Variants in COL10A1 observed in about 807,000 individuals in gnomAD.
COL10A1 encodes collagen type X alpha 1 chain.
Under a neutral mutation model 18.2 loss-of-function variants are expected in COL10A1, and 10 were observed. That is an observed-to-expected ratio of 0.55 (90% CI 0.34 to 0.93). COL10A1 has a LOEUF of 0.93. Ranked by LOEUF, COL10A1 falls within the 40% of genes least tolerant of loss-of-function variation. COL10A1 has a pLI of 0.02. For missense variants in COL10A1, 897 were observed against 853.5 expected, an observed-to-expected ratio of 1.05 and a Z score of -0.64; for synonymous variants, 330 against 316.6, an observed-to-expected ratio of 1.04 and a Z score of -0.45.
At chr6:116,202,274 T>C in the COL10A1 span, among the ~76,000 whole-genome samples, 12 of 152,050 alleles carry the variant, frequency 7.9e-5, no homozygotes, top group African/African-American at 2.9e-4. Flanking sequence ...CTGTAGTACC[T>C]TTTTTTCTTA....
the COL10A1 span, among the ~76,000 whole-genome samples, chr6:116,170,169 G>A: frequency 2.8e-4 from 42 of 152,212 alleles, 2 homozygotes; most frequent in South Asian, 8.3e-3. Flanking sequence ...ACATTCTGTC[G>A]GTTTTGCTGT....
chr6:116,168,610 A>G, the COL10A1 span, among the ~76,000 whole-genome samples: 28 of 150,918 alleles, frequency 1.9e-4, no homozygotes, highest in Non-Finnish European at 3.8e-4. Context: ...TCTGTCGTGT[A>G]TTTTCCCCCT....
the COL10A1 span, among the ~76,000 whole-genome samples, chr6:116,182,222 A>AGAGTGTGTGTGTGTGTGTGTGTGT: frequency 3.6e-4 from 45 of 124,684 alleles, no homozygotes; most frequent in South Asian, 1.7e-3. Flanking sequence ...TTCCATGGAG[A>AGAGTGTGTGTGTGTGTGTGTGTGT]GTGTGTGTGT....
At chr6:116,148,252 A>G (rs56238603) in intron 1 of COL10A1, among the ~76,000 whole-genome samples, 21,678 of 152,158 alleles carry the variant, frequency 0.14, 2,124 homozygotes, top group East Asian at 0.43. Context: ...TTTTCATTGT[A>G]TGCCAGCCTT....
the COL10A1 span, among the ~76,000 whole-genome samples, chr6:116,171,385 T>C: frequency 6.6e-6 from 1 of 152,210 alleles, no homozygotes; most frequent in Non-Finnish European, 1.5e-5. Context: ...TAAAAGGCCA[T>C]TTGTAATCTA....
chr6:116,163,106 G>A (rs571478540), upstream of COL10A1, among the ~76,000 whole-genome samples: 108 of 129,828 alleles, frequency 8.3e-4, no homozygotes, highest in African/African-American at 3.2e-3. Context: ...CAGCCTGGGA[G>A]ACACAGCGAG....
the COL10A1 span, among the ~76,000 whole-genome samples, chr6:116,191,211 T>C: frequency 7.2e-5 from 11 of 152,004 alleles, no homozygotes; most frequent in Admixed American, 7.2e-4. Context: ...AATAAACAAC[T>C]CCTACCCTTC....
At position 116,119,483 on chromosome 6, in the gene COL10A1, G is replaced by C. The variant is rs1443596373; in HGVS notation, c.*590C>G. 6.5e-6 allele frequency: 1 copy of C among 152,682 alleles called. No individual in the cohort carries two copies. Among genetic ancestry groups the C allele is most frequent in the Non-Finnish European group, 1.5e-5 (1 of 68,098 alleles). The allele number at this position is 152,682 out of a possible 1,614,324, so 9.5% of individuals were successfully genotyped here. A position where few individuals can be genotyped will look rare whatever the true frequency, so the allele number is the denominator to read the frequency against. ...CTTTTTTATATAAGAGCTTTAACAA[G>C]TATATATGCACCTGTATATTTGAAT... On this transcript the variant is annotated 3_prime_UTR_variant, in exon 3 of 3. Coordinates refer to ENST00000651968, the MANE Select transcript of COL10A1 (RefSeq NM_000493.4).
the COL10A1 span, among the ~76,000 whole-genome samples, chr6:116,207,396 TTAGA>T: frequency 6.7e-4 from 102 of 151,990 alleles, no homozygotes; most frequent in African/African-American, 2.4e-3. Flanking sequence ...CAATCTTTAA[TTAGA>T]TAGATGATAG....
the COL10A1 span, among the ~76,000 whole-genome samples, chr6:116,169,365 A>G: frequency 1.3e-5 from 2 of 152,218 alleles, no homozygotes; most frequent in Non-Finnish European, 2.9e-5. Flanking sequence ...AAAAATGAAA[A>G]CATGTTATAG....
the COL10A1 span, among the ~76,000 whole-genome samples, chr6:116,186,050 G>A: frequency 6.6e-6 from 1 of 152,096 alleles, no homozygotes; most frequent in Non-Finnish European, 1.5e-5. Flanking sequence ...AGTGGTTCTT[G>A]TAGTTCTCTT....
intron 1 of COL10A1, among the ~76,000 whole-genome samples, chr6:116,143,810 C>T (rs141208274): frequency 6.6e-6 from 1 of 152,034 alleles, no homozygotes; most frequent in Non-Finnish European, 1.5e-5. Flanking sequence ...ATAATCAAAT[C>T]AAGAAAAATT....
the COL10A1 span, among the ~76,000 whole-genome samples, chr6:116,173,201 A>G: frequency 5.7e-3 from 865 of 152,340 alleles, 17 homozygotes; most frequent in South Asian, 0.046. Context: ...GTTCATCTAA[A>G]GTGTAAACTA....
At chr6:116,194,145 G>A in the COL10A1 span, among the ~76,000 whole-genome samples, 6 of 152,028 alleles carry the variant, frequency 3.9e-5, no homozygotes, top group Non-Finnish European at 8.8e-5. Context: ...TGATGTCATG[G>A]TCCAATCAGA....
chr6:116,162,545 T>C (rs752683567), upstream of COL10A1, among the ~76,000 whole-genome samples: 1 of 152,234 alleles, frequency 6.6e-6, no homozygotes, highest in Non-Finnish European at 1.5e-5. Flanking sequence ...GTGATTTTTG[T>C]TTTTAATTCT....
At chr6:116,163,758 A>G in the COL10A1 span, among the ~76,000 whole-genome samples, 3 of 152,236 alleles carry the variant, frequency 2.0e-5, no homozygotes, top group Admixed American at 6.5e-5. Context: ...AGTACTATGA[A>G]CTTTCCTCTT....
chr6:116,167,894 C>G, the COL10A1 span, among the ~76,000 whole-genome samples: 1 of 152,112 alleles, frequency 6.6e-6, no homozygotes, highest in Non-Finnish European at 1.5e-5. Flanking sequence ...CACTTTCATT[C>G]TTAGAGAATA....
chr6:116,160,771 C>T (rs961195342), upstream of COL10A1, among the ~76,000 whole-genome samples: 1 of 152,160 alleles, frequency 6.6e-6, no homozygotes, highest in Admixed American at 6.5e-5. Flanking sequence ...ACATTGAAGC[C>T]TTTAATCTAT....
chr6:116,167,551 G>T, the COL10A1 span, among the ~76,000 whole-genome samples: 530 of 152,176 alleles, frequency 3.5e-3, 2 homozygotes, highest in African/African-American at 0.012. Flanking sequence ...GCATCATTTT[G>T]ATACCAGTTA....
Sources: gnomAD v4.1 joint callset for allele counts (sites outside exome capture counted in the v4.1 genomes callset) on GRCh38, gnomAD v4.1.1 for gene constraint, MANE v1.5 for transcripts, NCBI Gene and HGNC (gene_info 2026-07-23, HGNC 2026-07-21) for gene names.